KANK4: variants seen among roughly 807,000 people sequenced by gnomAD.
KANK4 encodes the protein KN motif and ankyrin repeat domains 4.
A neutral mutation model predicts 80.8 loss-of-function variants in KANK4; 50 were observed. That is an observed-to-expected ratio of 0.62 (90% confidence interval 0.49 to 0.78). The LOEUF (loss-of-function observed/expected upper bound fraction) is 0.78. Among genes scored for constraint, KANK4 ranks in the 30% least tolerant of loss-of-function variants. The pLI, the probability that KANK4 is intolerant of heterozygous loss-of-function variation, is 0.00. For synonymous variants in KANK4, 465 were observed against 506.9 expected (o/e 0.92, Z 1.11); for missense variants, 1,196 against 1,240.1 (o/e 0.96, Z 0.53).
At chr1:62,275,268 T>C (rs1277446725) in intron 2 of KANK4, among the ~76,000 whole-genome samples, 181 bp from the exon 3 acceptor site, 2 of 152,220 alleles carry the variant, frequency 1.3e-5, no homozygotes, top group East Asian at 3.8e-4. Flanking sequence ...AAAATCATCT[T>C]ATTAAATCAA....
At chr1:62,280,650 T>G (rs1383782170) in intron 2 of KANK4, among the ~76,000 whole-genome samples, 1 of 152,190 alleles carries the variant, frequency 6.6e-6, no homozygotes, top group African/African-American at 2.4e-5. Flanking sequence ...GGGTCTAGAC[T>G]GTGGCCTTCT....
rs759533366 is a variant in KANK4, at chr1:62,273,629, T to C, written c.1475A>G (p.His492Arg). The change falls in exon 3 of 10, where the codon CAT becomes CGT. Residue 492 changes from histidine (H) to arginine (R), a missense_variant. Physicochemically the swap from His to Arg is conservative, Grantham distance 29. This residue lies in a region of KANK4 where 1,154 missense variants were observed against 1,179.6 expected (regional missense o/e 0.98). Coordinates refer to ENST00000371153, the MANE Select transcript of KANK4 (RefSeq NM_181712.5). ...GPEQVLTSSVHSFLSTELRIE... is the reference protein window; with the variant it reads ...GPEQVLTSSVRSFLSTELRIE... ...CCTGAGTTCAGTGGAGAGGAAGCTATGTACAGAGGAGGTAAGGACCTGCTC... is the reference window on the plus strand; with the variant it reads ...CCTGAGTTCAGTGGAGAGGAAGCTACGTACAGAGGAGGTAAGGACCTGCTC... 5 of 1,614,026 alleles carry C rather than the reference T, an allele frequency of 3.1e-6. No individual in the cohort carries two copies. Among genetic ancestry groups the C allele is most frequent in the African/African-American group, 1.3e-5 (1 of 74,896 alleles).
At chr1:62,244,962 C>T (rs772082838) in intron 9 of KANK4, among the ~76,000 whole-genome samples, 2 of 152,216 alleles carry the variant, frequency 1.3e-5, no homozygotes, top group South Asian at 2.1e-4. Context: ...TTAGCTCTCT[C>T]GTACCTGTGA....
intron 1 of KANK4, among the ~76,000 whole-genome samples, chr1:62,304,832 G>A (rs1644438468): frequency 6.6e-6 from 1 of 152,064 alleles, no homozygotes; most frequent in Admixed American, 6.5e-5. Flanking sequence ...ACTCAGATTT[G>A]TCCAATTTCT....
chr1:62,260,350 C>G lies in KANK4; in HGVS notation c.2539+2742G>C, dbSNP rs541702337. Among the ~76,000 whole-genome samples the G allele has an allele frequency of 1.9e-3, 281 of 151,748 alleles. 2 individuals carry two copies. Among genetic ancestry groups the G allele is most frequent in the Non-Finnish European group, 2.4e-3 (160 of 67,978 alleles). On this transcript the variant is annotated intron_variant, in intron 7 of 9. Transcript: ENST00000371153. ...TTTTTCTCTCCCTCTCTCTCTTTTTCTGCCTGTCTGTCTCTCATTCTCTCC... is the reference window on the plus strand; with the variant it reads ...TTTTTCTCTCCCTCTCTCTCTTTTTGTGCCTGTCTGTCTCTCATTCTCTCC...
At chr1:62,306,407 T>C (rs1449075889) in intron 1 of KANK4, among the ~76,000 whole-genome samples, 2 of 152,206 alleles carry the variant, frequency 1.3e-5, no homozygotes, top group Non-Finnish European at 2.9e-5. Context: ...TTAAAAAATT[T>C]TCTATACAAA....
intron 8 of KANK4, 99 bp downstream of exon 8, chr1:62,252,968 A>C: frequency 7.0e-7 from 1 of 1,427,464 alleles, no homozygotes; most frequent in East Asian, 2.3e-5. Context: ...TGGGTTAAAA[A>C]CTACATGGAT....
intron 8 of KANK4, among the ~76,000 whole-genome samples, chr1:62,250,214 C>T (rs532388650): frequency 6.6e-6 from 1 of 152,156 alleles, no homozygotes; most frequent in Non-Finnish European, 1.5e-5. Context: ...CCTCAAACTC[C>T]CGACCTCAAG....
At chr1:62,257,683 AG>A (rs1474574441) in intron 7 of KANK4, among the ~76,000 whole-genome samples, 1 of 151,926 alleles carries the variant, frequency 6.6e-6, no homozygotes, top group Non-Finnish European at 1.5e-5. Context: ...AGAGTGTGAC[AG>A]ATCTGTCATC....
intron 1 of KANK4, among the ~76,000 whole-genome samples, chr1:62,296,994 A>G (rs1459268091): frequency 1.3e-5 from 2 of 151,992 alleles, no homozygotes; most frequent in Non-Finnish European, 2.9e-5. Context: ...AGGCGGGTGG[A>G]TCACCTGAGT....
chr1:62,251,765 G>A (rs570676469), intron 8 of KANK4, among the ~76,000 whole-genome samples: 6 of 144,738 alleles, frequency 4.1e-5, no homozygotes, highest in Non-Finnish European at 7.4e-5. Context: ...AGCCCGAGGC[G>A]GGTGGATCAC....
rs199534616 is a variant in KANK4, at chr1:62,273,693, G to A, written c.1411C>T (p.Arg471Cys). Residue 471 changes from arginine to cysteine, a missense_variant, in exon 3 of 10, where the codon CGT (arginine) becomes TGT (cysteine). Around this residue, in one of 3 missense-constraint regions of KANK4, gnomAD observed 1,154 missense variants for 1,179.6 expected, o/e 0.98. Transcript: ENST00000371153. The part of the protein sequence containing the change: ...HKQGNQSPAE[R>C]VLLPQLSLPQ... ...AGTGACAGCTGGGGCAGAAGCACAC[G>A]TTCTGCTGGGCTCTGATTCCCTTGT... The A allele has an allele frequency of 3.9e-5, 63 of 1,614,000 alleles. No homozygotes were observed. In the South Asian group the frequency reaches 4.0e-4, roughly 10 times the overall value.
intron 8 of KANK4, among the ~76,000 whole-genome samples, chr1:62,248,433 A>G (rs139632942): frequency 6.6e-6 from 1 of 152,194 alleles, no homozygotes; most frequent in African/African-American, 2.4e-5. Context: ...CAGTGGCACA[A>G]TCACAGCTCA....
At position 62,273,605 on chromosome 1, in the gene KANK4, C is replaced by T. The variant is rs1672222755; in HGVS notation, c.1499G>A (p.Arg500Lys). ...CTGTTCAGTGCCTGCTTCTTCAATC[C>T]TGAGTTCAGTGGAGAGGAAGCTATG... ...SVHSFLSTEL[R>K]IEEAGTEQEG... is the part of the protein sequence containing the mutation. Residue 500 changes from arginine (R) to lysine (K), a missense_variant, in exon 3 of 10, where the codon AGG becomes AAG. Transcript: ENST00000371153. 2.5e-6 allele frequency: 4 copies of T among 1,614,168 alleles called. No homozygotes were observed. The highest frequency in any genetic ancestry group is 3.4e-6 in the Non-Finnish European group (4 of 1,180,028).
intron 9 of KANK4, among the ~76,000 whole-genome samples, chr1:62,245,862 A>T (rs185612157): frequency 2.1e-4 from 32 of 152,192 alleles, no homozygotes; most frequent in Non-Finnish European, 3.7e-4. Context: ...TCACTCATTC[A>T]TTTGTTGATT....
rs1425995598 is a variant in KANK4, at chr1:62,273,515, G to A, written c.1589C>T (p.Thr530Ile). ...GGFLWGSDRK[T>I]PPAGREETSS... is the part of the protein sequence containing the mutation. ...GGTCTCCTCCCTCCCTGCTGGGGGAGTCTTTCTGTCGCTGCCCCACAGAAA... is the reference window on the plus strand; with the variant it reads ...GGTCTCCTCCCTCCCTGCTGGGGGAATCTTTCTGTCGCTGCCCCACAGAAA... The change falls in exon 3 of 10, where the codon ACT (threonine) becomes ATT (isoleucine). Residue 530 changes from threonine (T) to isoleucine (I), a missense_variant. Transcript: ENST00000371153. 7 of 1,613,698 alleles carry A rather than the reference G, an allele frequency of 4.3e-6. No homozygotes were observed. Among genetic ancestry groups the A allele is most frequent in the Non-Finnish European group, 4.2e-6 (5 of 1,179,682 alleles).
rs886125227 is a variant in KANK4 at position 62,319,138 on chromosome 1, GC to G, written c.-104del. 6.6e-6 allele frequency: 1 copy of G among 152,296 alleles called. No homozygotes were observed. Among genetic ancestry groups the G allele is most frequent in the African/African-American group, 2.4e-5 (1 of 41,460 alleles). The allele number at this position is 152,296 out of a possible 1,614,324, so 9.4% of individuals were successfully genotyped here. On this transcript the variant is annotated 5_prime_UTR_variant, in exon 1 of 10. Transcript: ENST00000371153. ...AGCTGCGGAAGTCCTGCGCGAGGCGGCCCGCGGTGCACGGGGCCGGGGCAGC... is the reference window on the plus strand; with the variant it reads ...AGCTGCGGAAGTCCTGCGCGAGGCGGCCGCGGTGCACGGGGCCGGGGCAGC...
intron 1 of KANK4, among the ~76,000 whole-genome samples, chr1:62,288,562 G>T (rs1254143539): frequency 4.3e-5 from 3 of 69,444 alleles, no homozygotes; most frequent in African/African-American, 1.1e-4. Context: ...ACTTAAATAG[G>T]CAGAGAAAGA....
intron 2 of KANK4, among the ~76,000 whole-genome samples, chr1:62,275,882 GAGGAAGGAAGGA>G (rs1258028819): frequency 2.0e-5 from 2 of 98,960 alleles, no homozygotes; most frequent in Admixed American, 9.4e-5. Flanking sequence ...GGAAGGAAGG[GAGGAAGGAAGGA>G]AGGGGAAGGG....
Sources: gnomAD v4.1 joint callset for allele counts (sites outside exome capture counted in the v4.1 genomes callset) on GRCh38, gnomAD v4.1.1 for gene constraint, gnomAD v4.1.1 regional missense constraint, MANE v1.5 for transcripts, NCBI Gene and HGNC (gene_info 2026-07-23, HGNC 2026-07-21) for gene names.